ZNF69: variants seen among roughly 807,000 people sequenced by gnomAD.
ZNF69 encodes the protein zinc finger protein 69.
A neutral mutation model predicts 50.9 loss-of-function variants in ZNF69; 47 were observed. That is an observed-to-expected ratio of 0.92 (90% CI 0.73 to 1.18). The LOEUF (loss-of-function observed/expected upper bound fraction) is 1.18. ZNF69 is among the 50% of genes most tolerant of loss of function. ZNF69 has a pLI of 0.00. For missense variants in ZNF69, 717 were observed against 675.1 expected, an observed-to-expected ratio of 1.06 and a Z score of -0.69; for synonymous variants, 216 against 223.1, an observed-to-expected ratio of 0.97 and a Z score of 0.29.
chr19:11,892,580 G>A lies in ZNF69; in HGVS notation c.63+4594G>A, dbSNP rs554105168. ...CAAGACCAGCCTGGGCAACATAAGT[G>A]AGATGCCATCTCAATTGTGAAAAAT... On this transcript the variant is annotated intron_variant, in intron 1 of 3. Transcript: ENST00000429654. 5.3e-5 allele frequency among the ~76,000 whole-genome samples: 8 copies of A among 152,058 alleles called. No homozygotes were observed. The South Asian group carries it at 1.7e-3, about 32-fold the overall frequency.
the ZNF69 span, among the ~76,000 whole-genome samples, chr19:11,921,106 T>G: frequency 6.6e-6 from 1 of 152,184 alleles, no homozygotes; most frequent in African/African-American, 2.4e-5. Flanking sequence ...GTCTCAAACA[T>G]TGGACTCAGT....
At chr19:11,979,379 G>A in the ZNF69 span, 4 of 1,611,284 alleles carry the variant, frequency 2.5e-6, no homozygotes, top group Middle Eastern at 3.3e-4. Context: ...ATGTGGGAAA[G>A]CCTTCAGATC....
chr19:11,925,111 A>C, the ZNF69 span: 1 of 1,443,232 alleles, frequency 6.9e-7, no homozygotes, highest in Admixed American at 1.9e-5. Flanking sequence ...CGCTTTCCTC[A>C]CCTTCCTCGC....
Position 11,904,742 on chromosome 19 carries a change from G to A in ZNF69, c.345G>A (p.Gln115=), listed in dbSNP as rs1360235076. ...TTCCAGATGACAGGCTGAACTTCCA[G>A]GAGAAGAAAGCTTCTCCTGAAATAA... ...TQVPDDRLNF[Q]EKKASPEIKS... is the part of the protein sequence containing the mutation. Residue 115 remains glutamine (Q), a synonymous_variant, in exon 4 of 4, where the codon CAG becomes CAA. Transcript: ENST00000429654. The A allele has an allele frequency of 6.2e-7, 1 of 1,613,964 alleles. No individual in the cohort carries two copies. Among genetic ancestry groups the A allele is most frequent in the South Asian group, 1.1e-5 (1 of 91,072 alleles).
intron 1 of ZNF69, among the ~76,000 whole-genome samples, chr19:11,900,583 C>G (rs974840835): frequency 3.9e-5 from 6 of 152,134 alleles, no homozygotes; most frequent in African/African-American, 1.2e-4. Flanking sequence ...AAACTCCTGA[C>G]TTCGGTGATC....
Position 11,905,348 on chromosome 19 carries a change from G to T in ZNF69, c.951G>T (p.Gln317His), listed in dbSNP as rs187607904. 6.6e-5 allele frequency: 107 copies of T among 1,614,050 alleles called. No individual in the cohort carries two copies. In the East Asian group the frequency reaches 8.2e-4, roughly 12 times the overall value. ...GTGGAAAAGCATTCACGTGTCCCCA[G>T]TATGTTCGTATACATGAAAGGACCC... The part of the protein sequence containing the change: ...KECGKAFTCP[Q>H]YVRIHERTHS... Residue 317 changes from glutamine to histidine, a missense_variant, in exon 4 of 4, where the codon CAG becomes CAT. Transcript: ENST00000429654.
the ZNF69 span, chr19:11,939,972 A>G: frequency 4.0e-5 from 6 of 149,896 alleles, no homozygotes; most frequent in South Asian, 2.1e-4. Context: ...TTTTTGAGAC[A>G]GCAGGCTGGA....
the ZNF69 span, among the ~76,000 whole-genome samples, chr19:11,952,703 A>G: frequency 6.6e-6 from 1 of 152,314 alleles, no homozygotes; most frequent in African/African-American, 2.4e-5. Context: ...ATGCATCCTC[A>G]TCAGTGAAGG....
the ZNF69 span, among the ~76,000 whole-genome samples, chr19:11,942,953 C>A: frequency 1.3e-5 from 2 of 152,190 alleles, no homozygotes; most frequent in Non-Finnish European, 2.9e-5. Context: ...TTCTCACTTT[C>A]ATCCTTACTA....
intron 1 of ZNF69, among the ~76,000 whole-genome samples, chr19:11,893,878 A>T (rs908297989): frequency 6.6e-6 from 1 of 152,192 alleles, no homozygotes; most frequent in Non-Finnish European, 1.5e-5. Flanking sequence ...ACAGTCAGCC[A>T]ATTGGATGTT....
the ZNF69 span, among the ~76,000 whole-genome samples, chr19:11,923,349 G>A: frequency 2.0e-5 from 3 of 152,198 alleles, no homozygotes; most frequent in South Asian, 4.1e-4. Flanking sequence ...AAGTTTTCAC[G>A]TCCCGATTGG....
the ZNF69 span, chr19:11,949,634 A>C: frequency 6.2e-7 from 1 of 1,613,968 alleles, no homozygotes; most frequent in Middle Eastern, 1.6e-4. Flanking sequence ...AAACCCTATG[A>C]ATGCAACCAA....
the ZNF69 span, among the ~76,000 whole-genome samples, chr19:11,934,960 C>T: frequency 6.8e-6 from 1 of 147,106 alleles, no homozygotes; most frequent in Admixed American, 6.6e-5. Flanking sequence ...GCGGGTGGAT[C>T]AGGAGGTCAG....
the ZNF69 span, among the ~76,000 whole-genome samples, chr19:11,957,791 G>A: frequency 6.6e-6 from 1 of 152,004 alleles, no homozygotes; most frequent in Non-Finnish European, 1.5e-5. Flanking sequence ...GTTGCAGTGA[G>A]CCAAGATCAT....
chr19:11,942,007 G>A, the ZNF69 span, among the ~76,000 whole-genome samples: 3 of 152,188 alleles, frequency 2.0e-5, no homozygotes, highest in East Asian at 1.9e-4. Context: ...GGAGTTTCTC[G>A]TTTGGCCTCT....
the ZNF69 span, among the ~76,000 whole-genome samples, chr19:11,945,807 C>T: frequency 6.6e-6 from 1 of 152,040 alleles, no homozygotes; most frequent in Non-Finnish European, 1.5e-5. Context: ...TGGTGGCTCT[C>T]AGCTTGCTAA....
the ZNF69 span, chr19:11,956,642 G>A: frequency 2.5e-6 from 1 of 397,994 alleles, no homozygotes; most frequent in Non-Finnish European, 4.4e-6. Context: ...GAGCATCTCA[G>A]GTAAGGAGTT....
At chr19:11,950,267 A>C in the ZNF69 span, 1 of 1,596,302 alleles carries the variant, frequency 6.3e-7, no homozygotes, top group Admixed American at 1.9e-5. Context: ...GGTTCCTTTT[A>C]TGGACATGAA....
the ZNF69 span, among the ~76,000 whole-genome samples, chr19:11,955,188 A>G: frequency 3.3e-5 from 5 of 151,762 alleles, no homozygotes; most frequent in African/African-American, 1.2e-4. Context: ...TATTTTTAGT[A>G]GAGACTGGAT....
Sources: allele counts gnomAD v4.1 joint callset (sites outside exome capture counted in the v4.1 genomes callset), GRCh38; gene constraint gnomAD v4.1.1; transcripts MANE v1.5; gene names NCBI Gene and HGNC (gene_info 2026-07-23, HGNC 2026-07-21).